TIAM2: variants seen among roughly 807,000 people sequenced by gnomAD.
TIAM2 encodes rho guanine nucleotide exchange factor TIAM2.
Under a neutral mutation model 152.9 loss-of-function variants are expected in TIAM2, and 80 were observed. The ratio of observed to expected loss-of-function variants is 0.52; its 90% CI spans 0.44 to 0.63. The LOEUF (loss-of-function observed/expected upper bound fraction) is 0.63, where lower values mean the gene tolerates loss of function less well. TIAM2 is among the 30% of genes least tolerant of loss of function. TIAM2 has a pLI of 0.00. For missense variants in TIAM2, 1,965 were observed against 2,120.1 expected, an observed-to-expected ratio of 0.93 and a Z score of 1.44; for synonymous variants, 804 against 838.0, an observed-to-expected ratio of 0.96 and a Z score of 0.70.
chr6:155,217,771 C>T (rs1289466655), intron 15 of TIAM2, among the ~76,000 whole-genome samples: 2 of 152,078 alleles, frequency 1.3e-5, no homozygotes, highest in African/African-American at 4.8e-5. Flanking sequence ...GTGTGTTGTG[C>T]TCTTTGCAAT....
At chr6:155,094,704 C>T (rs1286030476) in intron 2 of TIAM2, among the ~76,000 whole-genome samples, 1 of 151,276 alleles carries the variant, frequency 6.6e-6, no homozygotes, top group Non-Finnish European at 1.5e-5. Context: ...CATGTCCCAC[C>T]ATACCTGGCT....
At chr6:155,181,576 T>C (rs1001215825) in intron 12 of TIAM2, among the ~76,000 whole-genome samples, 2 of 152,216 alleles carry the variant, frequency 1.3e-5, no homozygotes, top group Admixed American at 6.5e-5. Context: ...TCTCTAGAAA[T>C]CTTTTCGTCT....
At chr6:155,089,854 C>T (rs1276873459) in intron 1 of TIAM2, among the ~76,000 whole-genome samples, 1 of 152,172 alleles carries the variant, frequency 6.6e-6, no homozygotes, top group Admixed American at 6.5e-5. Context: ...CTCTCTCATT[C>T]ACCGCTTTAT....
intron 1 of TIAM2, among the ~76,000 whole-genome samples, chr6:155,042,622 A>G (rs2085763926): frequency 6.6e-6 from 1 of 152,176 alleles, no homozygotes; most frequent in African/African-American, 2.4e-5. Context: ...AGCAGGATCC[A>G]TTGGTCAATC....
intron 1 of TIAM2, among the ~76,000 whole-genome samples, chr6:155,039,727 G>A (rs984616981): frequency 1.3e-5 from 2 of 152,134 alleles, no homozygotes; most frequent in East Asian, 3.9e-4. Context: ...CATAGGAGGG[G>A]CCCTGAAGCT....
rs142231699 is a variant in TIAM2, at chr6:155,121,605, A to G, written c.-117-5885A>G. On this transcript the variant is annotated intron_variant, in intron 2 of 26. Transcript: ENST00000682666. ...AGCTGTCCCCGACCCTCCCCAAATA[A>G]AGAAAACCAAGTAGATATTGCTATG... is the stretch of plus-strand genomic sequence containing the variant. Among the ~76,000 whole-genome samples, 77 of 152,222 alleles carry G rather than the reference A, an allele frequency of 5.1e-4. No homozygotes were observed. The East Asian group carries it at 8.5e-3, about 17-fold the overall frequency.
chr6:155,116,436 C>A (rs143019556), intron 2 of TIAM2, among the ~76,000 whole-genome samples: 342 of 152,232 alleles, frequency 2.2e-3, no homozygotes, highest in Middle Eastern at 0.01. Flanking sequence ...AGAATAGTTA[C>A]ACATTTTATG....
Position 155,079,677 on chromosome 6 carries a change from T to C in TIAM2, c.-208-10612T>C, listed in dbSNP as rs576063824. Among the ~76,000 whole-genome samples the C allele has an allele frequency of 9.4e-4, 143 of 152,332 alleles. 1 individual carries two copies. The highest frequency in any genetic ancestry group is 3.1e-3 in the African/African-American group (131 of 41,588). ...AATTTCTAATAGAGGCCAGGCACAG[T>C]GGCTCACGCCTGTAATCCCAGCACT... On this transcript the variant is annotated intron_variant, in intron 1 of 26. Transcript: ENST00000682666.
At chr6:155,220,719 G>A (rs1355059223) in intron 15 of TIAM2, among the ~76,000 whole-genome samples, 2 of 152,104 alleles carry the variant, frequency 1.3e-5, no homozygotes, top group African/African-American at 4.8e-5. Context: ...AGAAGACATC[G>A]TTTTAAACTT....
intron 2 of TIAM2, among the ~76,000 whole-genome samples, chr6:155,109,729 A>G (rs896219762): frequency 2.4e-4 from 37 of 152,158 alleles, no homozygotes; most frequent in Admixed American, 6.6e-5. Flanking sequence ...AAAGGAGACA[A>G]TTGAAGAACC....
At chr6:155,115,387 T>C (rs147603455) in intron 2 of TIAM2, among the ~76,000 whole-genome samples, 4,166 of 152,000 alleles carry the variant, frequency 0.027, 182 homozygotes, top group African/African-American at 0.096. Flanking sequence ...CTCACACTTA[T>C]AATCCCAGCG....
chr6:155,036,516 G>GA (rs992356519), intron 1 of TIAM2, among the ~76,000 whole-genome samples: 3,082 of 63,298 alleles, frequency 0.049, 82 homozygotes, highest in East Asian at 0.097. Context: ...TCTCAAAAAA[G>GA]AAAAAAAAAA....
intron 1 of TIAM2, among the ~76,000 whole-genome samples, chr6:155,066,766 G>A (rs6920631): frequency 2.6e-5 from 4 of 151,546 alleles, no homozygotes; most frequent in Non-Finnish European, 5.9e-5. Context: ...TTGTTTGTTT[G>A]TTTTTTTGAG....
chr6:155,246,673 AAAG>A (rs1783352790), intron 19 of TIAM2, among the ~76,000 whole-genome samples: 1 of 152,062 alleles, frequency 6.6e-6, no homozygotes. Context: ...TAGTACAGTG[AAAG>A]CATACCAATG....
At chr6:155,233,779 T>G (rs2115280315) in intron 15 of TIAM2, among the ~76,000 whole-genome samples, 1 of 152,124 alleles carries the variant, frequency 6.6e-6, no homozygotes, top group South Asian at 2.1e-4. Flanking sequence ...GGCAACATAG[T>G]GAGACCCTCC....
rs553577832 is a variant in TIAM2, at chr6:155,049,001, A to G, written c.-208-41288A>G. 2.0e-5 allele frequency among the ~76,000 whole-genome samples: 3 copies of G among 152,092 alleles called. No homozygotes were observed. The South Asian group carries it at 6.2e-4, about 32-fold the overall frequency. The stretch of plus-strand genomic sequence containing the variant: ...TTTTTAGTAGAGACGGGTTTTCACC[A>G]TATTGGTCAGGCTGGTCTCGAACTC... On this transcript the variant is annotated intron_variant, in intron 1 of 26. Coordinates refer to ENST00000682666, the MANE Select transcript of TIAM2 (RefSeq NM_012454.4).
chr6:155,239,148 G>A (rs1782909190), intron 15 of TIAM2, among the ~76,000 whole-genome samples: 1 of 152,200 alleles, frequency 6.6e-6, no homozygotes, highest in African/African-American at 2.4e-5. Flanking sequence ...ATTAAGAGAT[G>A]CTCCTGAGAA....
chr6:155,045,214 A>G (rs1308577795), intron 1 of TIAM2, among the ~76,000 whole-genome samples: 1 of 151,520 alleles, frequency 6.6e-6, no homozygotes, highest in Non-Finnish European at 1.5e-5. Context: ...TTGCAGGCGC[A>G]CACCACCACA....
chr6:155,020,964 A>T (rs1463508113), intron 1 of TIAM2, among the ~76,000 whole-genome samples: 1 of 152,180 alleles, frequency 6.6e-6, no homozygotes, highest in African/African-American at 2.4e-5. Flanking sequence ...ACCTCATATA[A>T]GTGGAATCAT....
Sources: allele counts gnomAD v4.1 joint callset (sites outside exome capture counted in the v4.1 genomes callset), GRCh38; gene constraint gnomAD v4.1.1; transcripts MANE v1.5; gene names NCBI Gene and HGNC (gene_info 2026-07-23, HGNC 2026-07-21).